TRDN: variants seen among roughly 807,000 people sequenced by gnomAD.
TRDN encodes triadin.
Under a neutral mutation model 149.7 loss-of-function variants are expected in TRDN, and 161 were observed. That is an observed-to-expected ratio of 1.08 (90% CI 0.95 to 1.23). The LOEUF (loss-of-function observed/expected upper bound fraction) is 1.23, where lower values mean the gene tolerates loss of function less well. Ranked by LOEUF, TRDN falls within the 50% of genes most tolerant of loss-of-function variation. TRDN has a pLI of 0.00. For missense variants in TRDN, 896 were observed against 823.5 expected (o/e 1.09, Z -1.08); for synonymous variants, 294 against 250.5 (o/e 1.17, Z -1.64).
chr6:123,464,621 A>T, intron 10 of TRDN: 1 of 1,126,734 alleles, frequency 8.9e-7, no homozygotes. Flanking sequence ...TGCAAGGCAT[A>T]GCCTTATCTA....
chr6:123,528,659 A>G (rs1780067279), intron 5 of TRDN: 1 of 987,000 alleles, frequency 1.0e-6, no homozygotes, highest in East Asian at 1.1e-4. Flanking sequence ...AGAAAACAGT[A>G]TTTATCCACA....
rs188308679 is a variant in TRDN at position 123,635,747 on chromosome 6, T to A, written c.22+1007A>T. Among the ~76,000 whole-genome samples, 16 of 152,122 alleles carry A rather than the reference T, an allele frequency of 1.1e-4. No individual in the cohort carries two copies. The East Asian group carries it at 2.9e-3, about 28-fold the overall frequency. ...ACCAGCACAGCATTTAACTTGGAAG[T>A]TGTTAAGAGCACCACCTGTCTGATT... On this transcript the variant is annotated intron_variant, in intron 1 of 40. Transcript: ENST00000334268.
At chr6:123,586,658 A>G (rs553942795) in intron 1 of TRDN, among the ~76,000 whole-genome samples, 1 of 152,204 alleles carries the variant, frequency 6.6e-6, no homozygotes, top group Admixed American at 6.5e-5. Flanking sequence ...AGAAAATAAG[A>G]CACTTAGATT....
rs190948634 is a variant in TRDN, at chr6:123,276,961, G to A, written c.1567+1357C>T. Among the ~76,000 whole-genome samples, 34 of 152,266 alleles carry A rather than the reference G, an allele frequency of 2.2e-4. No homozygotes were observed. The East Asian group carries it at 4.1e-3, about 18-fold the overall frequency. Reference sequence around the variant, plus strand: ...CAGGGCCACTGTTCCACCAGTCCCAGAGTACAGAGCACTGAGCCAGAAAGA... The same window carrying A: ...CAGGGCCACTGTTCCACCAGTCCCAAAGTACAGAGCACTGAGCCAGAAAGA... On this transcript the variant is annotated intron_variant, in intron 26 of 40. Coordinates refer to ENST00000334268, the MANE Select transcript of TRDN (RefSeq NM_006073.4).
intron 22 of TRDN, among the ~76,000 whole-genome samples, chr6:123,334,574 A>G (rs994156940): frequency 5.3e-5 from 8 of 152,048 alleles, no homozygotes; most frequent in Non-Finnish European, 2.9e-5. Flanking sequence ...TGTTTTCTGG[A>G]TGGTCAAGAC....
In TRDN at chr6:123,512,596, T is replaced by C. The variant is rs537369858; in HGVS notation, c.551-234A>G. 1.8e-4 allele frequency among the ~76,000 whole-genome samples: 27 copies of C among 152,054 alleles called. No homozygotes were observed. In the East Asian group the frequency reaches 5.2e-3, roughly 29 times the overall value. ...CAAGCTTGTTGAAAATCAGATCTAC[T>C]CTTTCTCAAGTCATTATTTCAAACA... On this transcript the variant is annotated intron_variant, in intron 6 of 40. Transcript: ENST00000334268.
At chr6:123,230,787 A>T (rs1395587867) in intron 38 of TRDN, among the ~76,000 whole-genome samples, 2 of 152,002 alleles carry the variant, frequency 1.3e-5, no homozygotes, top group Non-Finnish European at 2.9e-5. Context: ...ATTTTTAAAA[A>T]TTTCAGTCTA....
At chr6:123,588,112 C>A (rs139575285) in intron 1 of TRDN, among the ~76,000 whole-genome samples, 1 of 152,230 alleles carries the variant, frequency 6.6e-6, no homozygotes, top group Non-Finnish European at 1.5e-5. Context: ...GTGCTAGACT[C>A]TCAGTTACTC....
In TRDN at chr6:123,255,040, T is replaced by A. The variant is rs760642686; in HGVS notation, c.1951+41A>T. On this transcript the variant is annotated intron_variant, in intron 37 of 40. Transcript: ENST00000334268. Reference sequence around the variant, plus strand: ...ATATTAAGCAACAACATAATTCATATGTTTTCATACAAACATAGTAGTTAC... The same window carrying A: ...ATATTAAGCAACAACATAATTCATAAGTTTTCATACAAACATAGTAGTTAC... The A allele has an allele frequency of 6.4e-6, 7 of 1,086,426 alleles. No individual in the cohort carries two copies. The South Asian group carries it at 7.5e-5, about 12-fold the overall frequency. The allele number at this position is 1,086,426 out of a possible 1,614,324, so 67.3% of individuals were successfully genotyped here.
chr6:123,417,001 C>A (rs920609791), intron 12 of TRDN, among the ~76,000 whole-genome samples: 2 of 152,176 alleles, frequency 1.3e-5, no homozygotes, highest in African/African-American at 4.8e-5. Flanking sequence ...CCACGCCCAG[C>A]CACCATTATT....
intron 19 of TRDN, 119 bp from the exon 20 acceptor site, chr6:123,366,301 G>A: frequency 1.1e-6 from 1 of 915,992 alleles, no homozygotes. Context: ...AGCAAAGCAA[G>A]CTGTAGAGAA....
chr6:123,514,631 A>AACACACACACACAC lies in TRDN; in HGVS notation c.550+1496_550+1509dup, dbSNP rs60716520. ...ATAGATGAAGGGTATACATACCCAAAACACACACACACACACACACACACA... is the reference window on the plus strand; with the variant it reads ...ATAGATGAAGGGTATACATACCCAAAACACACACACACACACACACACACACACACACACACACA... On this transcript the variant is annotated intron_variant, in intron 6 of 40. Transcript: ENST00000334268. 7.1e-3 allele frequency among the ~76,000 whole-genome samples: 1,046 copies of AACACACACACACAC among 147,572 alleles called. 14 individuals carry two copies. Among genetic ancestry groups the AACACACACACACAC allele is most frequent in the African/African-American group, 0.024 (963 of 40,078 alleles).
At chr6:123,250,953 CTT>C (rs1029706719) in intron 38 of TRDN, among the ~76,000 whole-genome samples, 6 of 152,114 alleles carry the variant, frequency 3.9e-5, no homozygotes, top group African/African-American at 1.4e-4. Context: ...TGCTATCTTT[CTT>C]TGTCAGTCAT....
At chr6:123,526,431 C>A (rs61218751) in intron 5 of TRDN, among the ~76,000 whole-genome samples, 1 of 151,552 alleles carries the variant, frequency 6.6e-6, no homozygotes, top group Non-Finnish European at 1.5e-5. Context: ...TCAGCAGGCA[C>A]CAAAGAACAA....
At chr6:123,509,047 C>T (rs1779050429) in intron 7 of TRDN, among the ~76,000 whole-genome samples, 1 of 151,822 alleles carries the variant, frequency 6.6e-6, no homozygotes, top group Non-Finnish European at 1.5e-5. Context: ...TATACACATA[C>T]ATATATATGT....
Position 123,326,367 on chromosome 6 carries a change from A to G in TRDN, c.1471+5512T>C, listed in dbSNP as rs539213723. 2.0e-5 allele frequency among the ~76,000 whole-genome samples: 3 copies of G among 152,124 alleles called. No individual in the cohort carries two copies. The South Asian group carries it at 6.2e-4, about 32-fold the overall frequency. The stretch of plus-strand genomic sequence containing the variant: ...AGATATAGAGTCTTATATTCTAAGC[A>G]TGTCCTTTTCTAGTATCCCATCTCA... On this transcript the variant is annotated intron_variant, in intron 23 of 40. Transcript: ENST00000334268.
At chr6:123,430,432 A>T (rs1009317102) in intron 12 of TRDN, among the ~76,000 whole-genome samples, 1 of 151,872 alleles carries the variant, frequency 6.6e-6, no homozygotes, top group Admixed American at 6.6e-5. Context: ...ACTACAAAAA[A>T]TTAGCCAAGC....
intron 37 of TRDN, among the ~76,000 whole-genome samples, chr6:123,252,674 G>T (rs899907713): frequency 6.6e-6 from 1 of 151,920 alleles, no homozygotes; most frequent in Non-Finnish European, 1.5e-5. Context: ...ACATGAAGTG[G>T]TACAATCACA....
chr6:123,236,036 C>G (rs1775775215), intron 38 of TRDN, among the ~76,000 whole-genome samples: 1 of 152,138 alleles, frequency 6.6e-6, no homozygotes, highest in African/African-American at 2.4e-5. Context: ...TTTTATTTCT[C>G]TCATCCTTCA....
Sources: gnomAD v4.1 joint callset for allele counts (sites outside exome capture counted in the v4.1 genomes callset) on GRCh38, gnomAD v4.1.1 for gene constraint, MANE v1.5 for transcripts, NCBI Gene and HGNC (gene_info 2026-07-23, HGNC 2026-07-21) for gene names.